The following ADGRV1 variants were observed in gnomAD, a reference collection of about 807,000 sequenced individuals.
ADGRV1 encodes adhesion G protein-coupled receptor V1, also known as G-protein coupled receptor 98.
Under a neutral mutation model 596.2 loss-of-function variants are expected in ADGRV1, and 359 were observed. The ratio of observed to expected loss-of-function variants is 0.60; its 90% CI spans 0.55 to 0.66. The LOEUF (loss-of-function observed/expected upper bound fraction) is 0.66, where lower values mean the gene tolerates loss of function less well. Among genes scored for constraint, ADGRV1 ranks in the 30% least tolerant of loss-of-function variants. The pLI, the probability that ADGRV1 is intolerant of heterozygous loss-of-function variation, is 0.00. For synonymous variants in ADGRV1, 2,681 were observed against 2,679.2 expected (o/e 1.00, Z -0.02); for missense variants, 7,274 against 7,575.6 (o/e 0.96, Z 1.48).
chr5:90,924,308 T>G (rs1240472966), intron 83 of ADGRV1, among the ~76,000 whole-genome samples: 1 of 151,066 alleles, frequency 6.6e-6, no homozygotes, highest in East Asian at 1.9e-4. Context: ...TCCTGACTTT[T>G]TAATGATTGC....
chr5:90,814,446 GCT>G (rs1762716498), intron 74 of ADGRV1, among the ~76,000 whole-genome samples: 1 of 152,104 alleles, frequency 6.6e-6, no homozygotes, highest in African/African-American at 2.4e-5. Flanking sequence ...ATATGGTTTG[GCT>G]CTGTGTCCCC....
intron 25 of ADGRV1, among the ~76,000 whole-genome samples, chr5:90,678,910 A>G (rs1435378668): frequency 1.3e-5 from 2 of 152,122 alleles, no homozygotes; most frequent in Non-Finnish European, 1.5e-5. Flanking sequence ...AAAAGACAGC[A>G]TCTTTCATAG....
intron 83 of ADGRV1, among the ~76,000 whole-genome samples, chr5:90,935,138 G>A (rs1561966547): frequency 6.6e-6 from 1 of 152,150 alleles, no homozygotes; most frequent in Non-Finnish European, 1.5e-5. Flanking sequence ...AGTTATAATG[G>A]AGAACAGTAA....
intron 84 of ADGRV1, among the ~76,000 whole-genome samples, chr5:90,970,611 C>A (rs1446675438): frequency 6.6e-6 from 1 of 150,434 alleles, no homozygotes; most frequent in African/African-American, 2.5e-5. Context: ...GAGTGGACCT[C>A]CAGCAAACTC....
intron 83 of ADGRV1, among the ~76,000 whole-genome samples, chr5:90,946,923 A>T (rs531948028): frequency 1.3e-5 from 2 of 152,328 alleles, no homozygotes; most frequent in Non-Finnish European, 2.9e-5. Flanking sequence ...TGCAGTGAAC[A>T]TATGCGTGCA....
intron 89 of ADGRV1, among the ~76,000 whole-genome samples, chr5:91,160,331 A>G (rs1796838585): frequency 6.6e-6 from 1 of 152,176 alleles, no homozygotes; most frequent in African/African-American, 2.4e-5. Context: ...GTAAGAATCA[A>G]AATGGAAAGG....
chr5:90,839,751 G>A (rs369941421), intron 77 of ADGRV1, among the ~76,000 whole-genome samples: 3 of 151,994 alleles, frequency 2.0e-5, no homozygotes, highest in Admixed American at 6.6e-5. Context: ...TTCCATCACC[G>A]TGCATTCCCT....
chr5:90,927,079 G>A (rs1774565140), intron 83 of ADGRV1, among the ~76,000 whole-genome samples: 1 of 147,524 alleles, frequency 6.8e-6, no homozygotes, highest in Admixed American at 6.7e-5. Context: ...TGGAATAGGT[G>A]TGGTGTGGTG....
chr5:90,729,052 C>G (rs373674829), intron 49 of ADGRV1, 119 bp downstream of exon 49: 4 of 689,358 alleles, frequency 5.8e-6, no homozygotes, highest in South Asian at 5.2e-5. Flanking sequence ...TAGAATATTT[C>G]TTGATAGATA....
chr5:90,771,087 A>C (rs1757645023), intron 59 of ADGRV1, among the ~76,000 whole-genome samples: 1 of 152,132 alleles, frequency 6.6e-6, no homozygotes, highest in Non-Finnish European at 1.5e-5. Context: ...TGGTGTTTAT[A>C]GTTCTCTTAC....
At chr5:91,011,596 T>A (rs1468988232) in intron 85 of ADGRV1, among the ~76,000 whole-genome samples, 1 of 152,008 alleles carries the variant, frequency 6.6e-6, no homozygotes, top group Non-Finnish European at 1.5e-5. Context: ...ATTGTGTATA[T>A]ATCCAACATC....
chr5:90,932,942 A>G (rs1230661862), intron 83 of ADGRV1, among the ~76,000 whole-genome samples: 1 of 152,220 alleles, frequency 6.6e-6, no homozygotes, highest in Non-Finnish European at 1.5e-5. Flanking sequence ...TGCTGGTCAC[A>G]TATTGATATG....
chr5:91,080,250 G>A (rs188648657), intron 86 of ADGRV1, among the ~76,000 whole-genome samples: 2 of 152,150 alleles, frequency 1.3e-5, no homozygotes, highest in African/African-American at 4.8e-5. Flanking sequence ...GTTAACTATA[G>A]TCAACTAGTT....
Position 91,035,861 on chromosome 5 carries a change from T to TATATATAATATATATATATATATA in ADGRV1, c.18153-36586_18153-36585insATATATAATATATATATATATATA. Among the ~76,000 whole-genome samples, 6 of 96,398 alleles carry TATATATAATATATATATATATATA rather than the reference T, an allele frequency of 6.2e-5. 1 individual carries two copies. In the South Asian group the frequency reaches 1.1e-3, roughly 17 times the overall value. The allele number at this position is 96,398 out of a possible 152,430, so 63.2% of individuals were successfully genotyped here. A position where few individuals can be genotyped will look rare whatever the true frequency, so the allele number is the denominator to read the frequency against. Reference sequence around the variant, plus strand: ...ATGAGTGTGTATATATATATATATATTATATATATATATATATATATCTTA... The same window carrying TATATATAATATATATATATATATA: ...ATGAGTGTGTATATATATATATATATATATATAATATATATATATATATATATATATATATATATATATATCTTA... On this transcript the variant is annotated intron_variant, in intron 85 of 89. Coordinates refer to ENST00000405460, the MANE Select transcript of ADGRV1 (RefSeq NM_032119.4).
intron 83 of ADGRV1, among the ~76,000 whole-genome samples, chr5:90,904,595 A>T (rs1268748267): frequency 6.7e-6 from 1 of 149,888 alleles, no homozygotes; most frequent in African/African-American, 2.4e-5. Context: ...TTTTGCCAAT[A>T]TTTTTTTTTC....
At chr5:91,053,382 C>A (rs1328395094) in intron 85 of ADGRV1, among the ~76,000 whole-genome samples, 1 of 152,160 alleles carries the variant, frequency 6.6e-6, no homozygotes, top group Non-Finnish European at 1.5e-5. Context: ...GTGGTCCCTA[C>A]CCCTCAGAAT....
At chr5:90,571,082 ATTG>A (rs1010314629) in intron 1 of ADGRV1, among the ~76,000 whole-genome samples, 1 of 151,512 alleles carries the variant, frequency 6.6e-6, no homozygotes, top group Non-Finnish European at 1.5e-5. Context: ...CCCTGATTTT[ATTG>A]TTGTTTGTTT....
intron 84 of ADGRV1, among the ~76,000 whole-genome samples, chr5:90,968,992 A>G (rs1778717313): frequency 6.6e-6 from 1 of 152,220 alleles, no homozygotes; most frequent in African/African-American, 2.4e-5. Flanking sequence ...TAGAATAAAT[A>G]CATTGAAATG....
chr5:91,100,445 G>A (rs1325813348), intron 86 of ADGRV1, among the ~76,000 whole-genome samples: 1 of 150,906 alleles, frequency 6.6e-6, no homozygotes, highest in Non-Finnish European at 1.5e-5. Flanking sequence ...AAGAAAAGGA[G>A]AGGAAAAAGA....
Sources: gnomAD v4.1 joint callset for allele counts (sites outside exome capture counted in the v4.1 genomes callset) on GRCh38, gnomAD v4.1.1 for gene constraint, MANE v1.5 for transcripts, NCBI Gene and HGNC (gene_info 2026-07-23, HGNC 2026-07-21) for gene names.